TSKU: variants seen among roughly 807,000 people sequenced by gnomAD.
The protein encoded by TSKU is tsukushi.
A neutral mutation model predicts 11.2 loss-of-function variants in TSKU; 4 were observed. That is an observed-to-expected ratio of 0.36 (90% CI 0.18 to 0.82). The LOEUF is 0.82. Among genes scored for constraint, TSKU ranks in the 40% least tolerant of loss-of-function variants. The pLI is 0.50. For synonymous variants in TSKU, 220 were observed against 232.2 expected, an observed-to-expected ratio of 0.95 and a Z score of 0.48; for missense variants, 407 against 482.5, an observed-to-expected ratio of 0.84 and a Z score of 1.47.
intron 1 of TSKU, among the ~76,000 whole-genome samples, chr11:76,785,834 C>T (rs952151982): frequency 2.6e-5 from 4 of 152,160 alleles, no homozygotes; most frequent in African/African-American, 9.7e-5. Context: ...GTGATCCAGC[C>T]TCTTAGAGTC....
intron 1 of TSKU, chr11:76,784,067 G>C (rs975913833): frequency 6.6e-6 from 1 of 152,450 alleles, no homozygotes; most frequent in African/African-American, 2.4e-5. Context: ...AAGGGGCTGC[G>C]ACGGGATTGG....
intron 1 of TSKU, among the ~76,000 whole-genome samples, chr11:76,789,119 C>T (rs935036529): frequency 6.6e-6 from 1 of 152,240 alleles, no homozygotes. Context: ...CTCTGGGCCC[C>T]AGTTGCCCAT....
chr11:76,796,047 G>A lies in TSKU; in HGVS notation c.431G>A (p.Arg144Gln), dbSNP rs377139035. Residue 144 changes from arginine (R) to glutamine (Q), a missense_variant, in exon 2 of 2, where the codon CGG becomes CAG. Physicochemically the swap from Arg to Gln is conservative, Grantham distance 43. Transcript: ENST00000333090. This position sits in a 1 kb window ranked among gnomAD's most constrained non-coding sequence, Gnocchi z 4.1. ...SDVNLSHNQL[R>Q]EVSVSAFTTH... ...GTGAACCTTAGCCACAACCAGCTCC[G>A]GGAGGTCTCAGTGTCTGCCTTCACG... 145 of 1,613,778 alleles carry A rather than the reference G, an allele frequency of 9.0e-5. No homozygotes were observed. The highest frequency in any genetic ancestry group is 8.2e-4 in the Middle Eastern group (5 of 6,084).
chr11:76,789,843 T>TATTGTAACC (rs1944348247), intron 1 of TSKU, among the ~76,000 whole-genome samples: 1 of 152,106 alleles, frequency 6.6e-6, no homozygotes, highest in Non-Finnish European at 1.5e-5. Flanking sequence ...GTTACACAGA[T>TATTGTAACC]AAGAAAACCA....
chr11:76,787,536 C>T (rs531569937), intron 1 of TSKU, among the ~76,000 whole-genome samples: 25 of 152,246 alleles, frequency 1.6e-4, no homozygotes, highest in African/African-American at 4.6e-4. Flanking sequence ...GTAGATATGA[C>T]GCCATCTAAC....
At position 76,796,201 on chromosome 11, in the gene TSKU, G is replaced by T; in HGVS notation, c.585G>T (p.Arg195=). The part of the protein sequence containing the change: ...TIQSLNLAWN[R]LHAVPNLRDL... ...AGAGCCTGAACCTGGCCTGGAACCG[G>T]CTCCATGCCGTGCCCAACCTCCGAG... The change falls in exon 2 of 2, where the codon CGG becomes CGT. Residue 195 remains arginine (R), a synonymous_variant. Transcript: ENST00000333090. This position sits in a 1 kb window ranked among gnomAD's most constrained non-coding sequence, Gnocchi z 4.1. 6.2e-7 allele frequency: 1 copy of T among 1,613,578 alleles called. No homozygotes were observed. Among genetic ancestry groups the T allele is most frequent in the Non-Finnish European group, 8.5e-7 (1 of 1,180,012 alleles).
chr11:76,795,655 G>A lies in TSKU; in HGVS notation c.39G>A (p.Gly13=), dbSNP rs1429237072. Residue 13 remains glycine, a synonymous_variant, in exon 2 of 2, where the codon GGG becomes GGA. Coordinates refer to ENST00000333090, the MANE Select transcript of TSKU (RefSeq NM_015516.4). ...TGCTGCTGCTGCTGGCCGTGAGTGG[G>A]GCCCAGACAACCCGGCCATGCTTCC... is the stretch of plus-strand genomic sequence containing the variant. ...WPLLLLLAVS[G]AQTTRPCFPG... 1.2e-6 allele frequency: 2 copies of A among 1,613,354 alleles called. No homozygotes were observed. The highest frequency in any genetic ancestry group is 2.2e-5 in the East Asian group (1 of 44,886).
In TSKU at chr11:76,796,156, C is replaced by T; in HGVS notation, c.540C>T (p.Gly180=). ...TCGTGCCCCACCCCACGAGGGCCGG[C>T]CTGCCTGCGCCCACCATTCAGAGCC... is the stretch of plus-strand genomic sequence containing the variant. ...HRLVPHPTRA[G]LPAPTIQSLN... The change falls in exon 2 of 2, where the codon GGC becomes GGT. Residue 180 remains glycine (G), a synonymous_variant. Coordinates refer to ENST00000333090, the MANE Select transcript of TSKU (RefSeq NM_015516.4). The surrounding 1 kb of genome is among the most constrained non-coding windows in gnomAD (Gnocchi z 4.1). The T allele has an allele frequency of 6.2e-7, 1 of 1,613,652 alleles. No homozygotes were observed. Among genetic ancestry groups the T allele is most frequent in the South Asian group, 1.1e-5 (1 of 91,068 alleles).
rs1944470212 is a variant in TSKU, at chr11:76,797,488, C to G, written c.*810C>G. On this transcript the variant is annotated 3_prime_UTR_variant, in exon 2 of 2. Coordinates refer to ENST00000333090, the MANE Select transcript of TSKU (RefSeq NM_015516.4). ...CCTCTGACCAGCTGTGCGGCATGGGCTAAGTCACTCTGCCCTTCGGAGCCT... is the reference window on the plus strand; with the variant it reads ...CCTCTGACCAGCTGTGCGGCATGGGGTAAGTCACTCTGCCCTTCGGAGCCT... 1 of 167,236 alleles carries G rather than the reference C, an allele frequency of 6.0e-6. No individual in the cohort carries two copies. The highest frequency in any genetic ancestry group is 2.1e-4 in the South Asian group (1 of 4,836). The allele number at this position is 167,236 out of a possible 1,614,324, so 10.4% of individuals were successfully genotyped here.
At chr11:76,787,064 G>A (rs564189364) in intron 1 of TSKU, among the ~76,000 whole-genome samples, 3 of 152,274 alleles carry the variant, frequency 2.0e-5, no homozygotes, top group Admixed American at 1.3e-4. Context: ...TCTTCACTTT[G>A]CCTCATGTAA....
In TSKU at chr11:76,796,983, T is replaced by G; in HGVS notation, c.*305T>G. The G allele has an allele frequency of 8.5e-6, 2 of 235,076 alleles. No individual in the cohort carries two copies. Among genetic ancestry groups the G allele is most frequent in the Non-Finnish European group, 8.9e-6 (1 of 112,896 alleles). 14.6% of individuals were successfully genotyped at this position (235,076 alleles called of 1,614,324 possible). On this transcript the variant is annotated 3_prime_UTR_variant, in exon 2 of 2. Coordinates refer to ENST00000333090, the MANE Select transcript of TSKU (RefSeq NM_015516.4). The surrounding 1 kb of genome is among the most constrained non-coding windows in gnomAD (Gnocchi z 4.1). ...TCCCCCAAGTGCCTTCCCTCATGCCTGGGCCGGCCTGACCCGCAATGGGCA... is the reference window on the plus strand; with the variant it reads ...TCCCCCAAGTGCCTTCCCTCATGCCGGGGCCGGCCTGACCCGCAATGGGCA...
intron 1 of TSKU, among the ~76,000 whole-genome samples, 162 bp downstream of exon 1, chr11:76,783,566 A>G (rs1944266687): frequency 6.6e-6 from 1 of 152,022 alleles, no homozygotes; most frequent in East Asian, 1.9e-4. Flanking sequence ...TCGGACGCCT[A>G]GGGCTGGGCG....
chr11:76,795,900 TGCTCACCA>T lies in TSKU; in HGVS notation c.287_294del (p.Leu96HisfsTer16). ...GCTGGCCTGGATCTCAGCCACAACC[TGCTCACCA>T]GCATCTCACCCACTGCCTTCTCCCG... On this transcript the variant is annotated frameshift_variant, in exon 2 of 2. Coordinates refer to ENST00000333090, the MANE Select transcript of TSKU (RefSeq NM_015516.4). LOFTEE classifies it high-confidence loss of function. 1 of 1,613,894 alleles carries T rather than the reference TGCTCACCA, an allele frequency of 6.2e-7. No individual in the cohort carries two copies. Among genetic ancestry groups the T allele is most frequent in the Non-Finnish European group, 8.5e-7 (1 of 1,180,018 alleles).
At position 76,796,988 on chromosome 11, in the gene TSKU, C is replaced by T. The variant is rs1047977260; in HGVS notation, c.*310C>T. 24 of 237,964 alleles carry T rather than the reference C, an allele frequency of 1.0e-4. No homozygotes were observed. Among genetic ancestry groups the T allele is most frequent in the African/African-American group, 2.7e-4 (12 of 44,028 alleles). The allele number at this position is 237,964 out of a possible 1,614,324, so 14.7% of individuals were successfully genotyped here. ...CAAGTGCCTTCCCTCATGCCTGGGCCGGCCTGACCCGCAATGGGCAGAGGG... is the reference window on the plus strand; with the variant it reads ...CAAGTGCCTTCCCTCATGCCTGGGCTGGCCTGACCCGCAATGGGCAGAGGG... On this transcript the variant is annotated 3_prime_UTR_variant, in exon 2 of 2. Coordinates refer to ENST00000333090, the MANE Select transcript of TSKU (RefSeq NM_015516.4). The surrounding 1 kb of genome is among the most constrained non-coding windows in gnomAD (Gnocchi z 4.1).
chr11:76,789,846 G>A (rs1944348287), intron 1 of TSKU, among the ~76,000 whole-genome samples: 2 of 152,108 alleles, frequency 1.3e-5, no homozygotes, highest in African/African-American at 4.8e-5. Context: ...ACACAGATAA[G>A]AAAACCAAGG....
intron 1 of TSKU, among the ~76,000 whole-genome samples, chr11:76,784,754 G>A (rs989649142): frequency 6.9e-6 from 1 of 145,430 alleles, no homozygotes; most frequent in Non-Finnish European, 1.5e-5. Context: ...GGTGGGGGGG[G>A]GGGGGTGCTC....
intron 1 of TSKU, among the ~76,000 whole-genome samples, chr11:76,784,804 CAA>C (rs1944294914): frequency 6.6e-6 from 1 of 150,572 alleles, no homozygotes; most frequent in African/African-American, 2.5e-5. Context: ...GCCTAAGTCG[CAA>C]AGATAACCGT....
chr11:76,796,123 T>A lies in TSKU; in HGVS notation c.507T>A (p.Ile169=). Residue 169 remains isoleucine (I), a synonymous_variant, in exon 2 of 2, where the codon ATT becomes ATA. Transcript: ENST00000333090. The surrounding 1 kb of genome is among the most constrained non-coding windows in gnomAD (Gnocchi z 4.1). The part of the protein sequence containing the change: ...ALHVDLSHNL[I]HRLVPHPTRA... ...ACGTGGACCTCTCCCACAACCTCAT[T>A]CACCGCCTCGTGCCCCACCCCACGA... 6 of 1,613,666 alleles carry A rather than the reference T, an allele frequency of 3.7e-6. No homozygotes were observed. Among genetic ancestry groups the A allele is most frequent in the Non-Finnish European group, 5.1e-6 (6 of 1,179,926 alleles).
chr11:76,783,679 G>A (rs1043933361), intron 1 of TSKU, among the ~76,000 whole-genome samples: 6 of 152,330 alleles, frequency 3.9e-5, no homozygotes, highest in African/African-American at 1.4e-4. Context: ...TCACGTTTGT[G>A]GGTCTTTGTG....
Sources: allele counts gnomAD v4.1 joint callset (sites outside exome capture counted in the v4.1 genomes callset), GRCh38; gene constraint gnomAD v4.1.1; non-coding constraint Gnocchi (gnomAD v3.1); transcripts MANE v1.5; gene names NCBI Gene and HGNC (gene_info 2026-07-23, HGNC 2026-07-21).